FAT3: variants seen among roughly 807,000 people sequenced by gnomAD.
FAT3 encodes the protein protocadherin Fat 3.
In FAT3, 95 loss-of-function variants were observed where a neutral mutation model predicts 310.2. The observed-to-expected ratio is 0.31, with a 90% confidence interval of 0.26 to 0.36. FAT3 has a LOEUF of 0.36. Among genes scored for constraint, FAT3 ranks in the 10% least tolerant of loss-of-function variants. The pLI, the probability that FAT3 is intolerant of heterozygous loss-of-function variation, is 1.00. For missense variants in FAT3, 5,408 were observed against 5,715.6 expected (o/e 0.95, Z 1.74); for synonymous variants, 2,314 against 2,192.9 (o/e 1.06, Z -1.54).
At chr11:92,236,650 A>T (rs1864431019) in intron 1 of FAT3, among the ~76,000 whole-genome samples, 1 of 152,222 alleles carries the variant, frequency 6.6e-6, no homozygotes, top group Admixed American at 6.5e-5. Flanking sequence ...TTTCTTATTA[A>T]GTGATCTGTG....
chr11:92,244,578 TA>T, intron 1 of FAT3, among the ~76,000 whole-genome samples: 1 of 152,248 alleles, frequency 6.6e-6, no homozygotes, highest in African/African-American at 2.4e-5. Flanking sequence ...GCATCGGTGG[TA>T]CCTAAAGTCC....
chr11:92,819,983 C>T (rs1459392306), intron 13 of FAT3, among the ~76,000 whole-genome samples: 1 of 152,138 alleles, frequency 6.6e-6, no homozygotes, highest in African/African-American at 2.4e-5. Flanking sequence ...TATTCACACC[C>T]CTTCCCTTGA....
intron 21 of FAT3, among the ~76,000 whole-genome samples, chr11:92,860,138 CTT>C (rs1949085093): frequency 1.3e-5 from 2 of 152,190 alleles, no homozygotes; most frequent in South Asian, 4.1e-4. Context: ...GACAGAGACT[CTT>C]TCTCAAAACA....
chr11:92,266,610 C>T (rs1005093682), intron 1 of FAT3, among the ~76,000 whole-genome samples: 1 of 152,148 alleles, frequency 6.6e-6, no homozygotes, highest in African/African-American at 2.4e-5. Flanking sequence ...TCCACTCTAA[C>T]AGCCTCAGCC....
At chr11:92,307,463 T>G (rs1324268534) in intron 1 of FAT3, among the ~76,000 whole-genome samples, 2 of 152,198 alleles carry the variant, frequency 1.3e-5, no homozygotes, top group Admixed American at 6.5e-5. Flanking sequence ...AGATCAGATT[T>G]GCCTCATCCA....
Position 92,892,983 on chromosome 11 carries a change from T to G in FAT3, c.*1870T>G, listed in dbSNP as rs1196909881. On this transcript the variant is annotated 3_prime_UTR_variant, in exon 28 of 28. Transcript: ENST00000525166. ...TGGCCATGGTAAATATATGCATATT[T>G]GCACTATCTGCTTAATGAGCAAATC... The G allele has an allele frequency of 6.6e-6, 1 of 152,224 alleles. No individual in the cohort carries two copies. The highest frequency in any genetic ancestry group is 1.5e-5 in the Non-Finnish European group (1 of 68,040). 9.4% of individuals were successfully genotyped at this position (152,224 alleles called of 1,614,324 possible).
intron 26 of FAT3, among the ~76,000 whole-genome samples, chr11:92,889,511 C>T (rs192351925): frequency 1.6e-4 from 24 of 152,126 alleles, no homozygotes; most frequent in African/African-American, 5.5e-4. Flanking sequence ...CAGATTAATA[C>T]TAAATTTATC....
At chr11:92,676,695 C>T (rs959882115) in intron 3 of FAT3, among the ~76,000 whole-genome samples, 17 of 152,272 alleles carry the variant, frequency 1.1e-4, no homozygotes, top group African/African-American at 3.4e-4. Flanking sequence ...TGTTCAATTA[C>T]GGGATGGCTG....
chr11:92,305,603 T>C (rs1427204570), intron 1 of FAT3, among the ~76,000 whole-genome samples: 1 of 152,120 alleles, frequency 6.6e-6, no homozygotes, highest in East Asian at 1.9e-4. Flanking sequence ...TCAGCACTAA[T>C]ACATATCAAT....
Position 92,352,943 on chromosome 11 carries a change from A to C in FAT3, c.831A>C (p.Glu277Asp), listed in dbSNP as rs1244819524. Residue 277 changes from glutamate (E) to aspartate (D), a missense_variant, in exon 2 of 28, where the codon GAA (glutamate) becomes GAC (aspartate). By Grantham distance (45) the Glu-to-Asp change is conservative (BLOSUM62 2). Coordinates refer to ENST00000525166, the MANE Select transcript of FAT3 (RefSeq NM_001367949.2). ...HVVTHVPFSL[E>D]KEPTYAVVTV... is the part of the protein sequence containing the mutation. Reference sequence around the variant, plus strand: ...TCACTCATGTTCCTTTCTCGTTGGAAAAAGAGCCAACATATGCAGTGGTGA... The same window carrying C: ...TCACTCATGTTCCTTTCTCGTTGGACAAAGAGCCAACATATGCAGTGGTGA... 3 of 1,613,900 alleles carry C rather than the reference A, an allele frequency of 1.9e-6. No homozygotes were observed. Among genetic ancestry groups the C allele is most frequent in the Non-Finnish European group, 2.5e-6 (3 of 1,179,864 alleles).
chr11:92,344,594 A>G (rs145202771), intron 1 of FAT3, among the ~76,000 whole-genome samples: 1 of 152,304 alleles, frequency 6.6e-6, no homozygotes, highest in Non-Finnish European at 1.5e-5. Flanking sequence ...AGAAAAGAAA[A>G]AAATGCTGAG....
intron 4 of FAT3, among the ~76,000 whole-genome samples, chr11:92,736,254 A>C (rs1168893830): frequency 6.6e-6 from 1 of 152,298 alleles, no homozygotes; most frequent in South Asian, 2.1e-4. Flanking sequence ...AGAGGGTTCA[A>C]GTTCAGGTAA....
chr11:92,694,755 C>A (rs1565518607), intron 3 of FAT3, among the ~76,000 whole-genome samples: 2 of 152,178 alleles, frequency 1.3e-5, no homozygotes, highest in Middle Eastern at 3.4e-3. Flanking sequence ...GGCCAACAGC[C>A]CTTTGACTCA....
intron 21 of FAT3, among the ~76,000 whole-genome samples, chr11:92,864,832 AAG>A (rs2136341170): frequency 6.6e-6 from 1 of 152,274 alleles, no homozygotes; most frequent in Admixed American, 6.5e-5. Flanking sequence ...AAGAAGAAGA[AAG>A]AAAGATTACA....
chr11:92,839,432 C>G (rs1344214781), intron 17 of FAT3, among the ~76,000 whole-genome samples: 1 of 152,216 alleles, frequency 6.6e-6, no homozygotes, highest in East Asian at 1.9e-4. Context: ...GAGGGAGACA[C>G]TGTCTAGTTT....
intron 1 of FAT3, among the ~76,000 whole-genome samples, chr11:92,322,690 C>T (rs988925061): frequency 2.6e-5 from 4 of 152,174 alleles, no homozygotes; most frequent in East Asian, 1.9e-4. Flanking sequence ...TAGATTATAT[C>T]GGAAGAAATC....
intron 2 of FAT3, among the ~76,000 whole-genome samples, chr11:92,450,425 A>G (rs1303130577): frequency 1.3e-5 from 2 of 152,094 alleles, no homozygotes; most frequent in Non-Finnish European, 2.9e-5. Context: ...ATTTATGGGT[A>G]TGATTCCCAT....
Position 92,837,741 on chromosome 11 carries a change from G to A in FAT3, c.10303G>A (p.Asp3435Asn), listed in dbSNP as rs1948443071. The change falls in exon 17 of 28, where the codon GAT becomes AAT. Residue 3435 changes from aspartate (D) to asparagine (N), a missense_variant. By Grantham distance (23) the Asp-to-Asn change is conservative. Around this residue, in one of 5 missense-constraint regions of FAT3, gnomAD observed 4,588 missense variants for 4,809.8 expected, o/e 0.95. Transcript: ENST00000525166. The stretch of plus-strand genomic sequence containing the variant: ...GTCATCAACTGCAACTGTCAACATT[G>A]ATATTTCTGATGTGAATGACAACAG... ...AMSSTATVNI[D>N]ISDVNDNSPV... 1 of 1,613,832 alleles carries A rather than the reference G, an allele frequency of 6.2e-7. No individual in the cohort carries two copies. Among genetic ancestry groups the A allele is most frequent in the African/African-American group, 1.3e-5 (1 of 74,908 alleles).
intron 1 of FAT3, among the ~76,000 whole-genome samples, chr11:92,275,154 C>T (rs1345063235): frequency 1.3e-5 from 2 of 152,078 alleles, no homozygotes; most frequent in Admixed American, 6.6e-5. Flanking sequence ...GGAGCCTCTC[C>T]ATCCATCTCT....
Sources: allele counts gnomAD v4.1 joint callset (sites outside exome capture counted in the v4.1 genomes callset), GRCh38; gene constraint gnomAD v4.1.1; regional missense constraint gnomAD v4.1.1; transcripts MANE v1.5; gene names NCBI Gene and HGNC (gene_info 2026-07-23, HGNC 2026-07-21).